The following IGFBP7 variants were observed in gnomAD, a reference collection of about 807,000 sequenced individuals.
IGFBP7 encodes insulin like growth factor binding protein 7, also known as insulin-like growth factor-binding protein 7.
In IGFBP7, 31 loss-of-function variants were observed where a neutral mutation model predicts 29.4. The observed-to-expected ratio is 1.05, with a 90% CI of 0.79 to 1.42. IGFBP7 has a LOEUF of 1.42. IGFBP7 is among the 40% of genes most tolerant of loss of function. The pLI, the probability that IGFBP7 is intolerant of heterozygous loss-of-function variation, is 0.00. For missense variants in IGFBP7, 393 were observed against 395.5 expected (o/e 0.99, Z 0.05); for synonymous variants, 172 against 174.9 (o/e 0.98, Z 0.13).
intron 1 of IGFBP7, among the ~76,000 whole-genome samples, chr4:57,087,677 G>C (rs940672516): frequency 4.6e-5 from 7 of 152,238 alleles, no homozygotes; most frequent in Non-Finnish European, 7.3e-5. Context: ...TAAAGTCAGA[G>C]GGAATACAAT....
At chr4:57,033,139 G>A in intron 3 of IGFBP7, 56 bp downstream of exon 3, 1 of 1,230,458 alleles carries the variant, frequency 8.1e-7, no homozygotes, top group Admixed American at 1.7e-5. Flanking sequence ...TGCCAGGTCT[G>A]CTTATGTCTA....
Position 57,040,867 on chromosome 4 carries a change from C to T in IGFBP7, c.542G>A (p.Cys181Tyr), listed in dbSNP as rs780782395. 1 of 1,614,200 alleles carries T rather than the reference C, an allele frequency of 6.2e-7. No individual in the cohort carries two copies. Among genetic ancestry groups the T allele is most frequent in the Non-Finnish European group, 8.5e-7 (1 of 1,180,020 alleles). The stretch of plus-strand genomic sequence containing the variant: ...AGGTGTCGGGATTCCGATGACCTCA[C>T]AGCTCAAGTACACCTGGGCACCAGT... The part of the protein sequence containing the change: ...NVTGAQVYLS[C>Y]EVIGIPTPVL... Residue 181 changes from cysteine (C) to tyrosine (Y), a missense_variant, in exon 2 of 5, where the codon TGT becomes TAT. By Grantham distance (194) the Cys-to-Tyr change is radical (BLOSUM62 -2). Coordinates refer to ENST00000295666, the MANE Select transcript of IGFBP7 (RefSeq NM_001553.3).
At chr4:57,059,249 A>G (rs1398443084) in intron 1 of IGFBP7, among the ~76,000 whole-genome samples, 1 of 152,216 alleles carries the variant, frequency 6.6e-6, no homozygotes, top group Non-Finnish European at 1.5e-5. Context: ...TGCTGGATAT[A>G]TACCCAGAGG....
At chr4:57,103,064 T>A (rs1022515000) in intron 1 of IGFBP7, among the ~76,000 whole-genome samples, 4 of 152,102 alleles carry the variant, frequency 2.6e-5, no homozygotes, top group African/African-American at 9.7e-5. Flanking sequence ...CCACAAGGGC[T>A]TTTCACTCCC....
At chr4:57,073,030 C>T in intron 1 of IGFBP7, 1 of 1,196,970 alleles carries the variant, frequency 8.4e-7, no homozygotes, top group East Asian at 2.4e-5. Flanking sequence ...ACATTGATAG[C>T]TCGTTGAACA....
At chr4:57,081,173 C>T (rs1309809828) in intron 1 of IGFBP7, among the ~76,000 whole-genome samples, 2 of 152,034 alleles carry the variant, frequency 1.3e-5, no homozygotes, top group African/African-American at 2.4e-5. Flanking sequence ...CAGGGCAGGG[C>T]CCAGGGAAAG....
chr4:57,099,649 G>A (rs1213480506), intron 1 of IGFBP7, among the ~76,000 whole-genome samples: 2 of 152,166 alleles, frequency 1.3e-5, no homozygotes, highest in East Asian at 3.9e-4. Context: ...GGTCTTTCTT[G>A]GACTAATATT....
chr4:57,040,977 CT>C (rs758702709), intron 1 of IGFBP7, 44 bp from the exon 2 acceptor site: 1 of 1,230,610 alleles, frequency 8.1e-7, no homozygotes. Context: ...TTAAACAGTC[CT>C]TCACATGAGT....
intron 1 of IGFBP7, among the ~76,000 whole-genome samples, chr4:57,092,316 T>C (rs1038451545): frequency 1.3e-5 from 2 of 152,220 alleles, no homozygotes; most frequent in African/African-American, 2.4e-5. Context: ...AAAACTATTA[T>C]AGTACACATA....
intron 2 of IGFBP7, among the ~76,000 whole-genome samples, chr4:57,037,025 A>C (rs1724098312): frequency 6.6e-6 from 1 of 152,202 alleles, no homozygotes; most frequent in African/African-American, 2.4e-5. Context: ...CATGGACCAA[A>C]CTATCGTATA....
At chr4:57,033,835 T>A (rs774790066) in intron 2 of IGFBP7, among the ~76,000 whole-genome samples, 23 of 151,976 alleles carry the variant, frequency 1.5e-4, no homozygotes, top group Non-Finnish European at 5.9e-5. Context: ...AAAAAACACC[T>A]ATCAAAGGAG....
At position 57,110,191 on chromosome 4, in the gene IGFBP7, CG is replaced by C. The variant is rs2109813120; in HGVS notation, c.160del (p.Arg54AlafsTer35). On this transcript the variant is annotated frameshift_variant, in exon 1 of 5. Transcript: ENST00000295666. LOFTEE classifies it high-confidence loss of function. ...CATAGGGCAGCAGCCGCACGCGTCGCGGGTCTCGCCCAGCAGGCAGCCCAGC... is the reference window on the plus strand; with the variant it reads ...CATAGGGCAGCAGCCGCACGCGTCGCGGTCTCGCCCAGCAGGCAGCCCAGC... ...PPLGCLLGETRDACGCCPMCA... is the reference protein window; with the variant it reads ...PPLGCLLGETXDACGCCPMCA... 7.2e-7 allele frequency: 1 copy of C among 1,386,576 alleles called. No individual in the cohort carries two copies. The highest frequency in any genetic ancestry group is 9.3e-7 in the Non-Finnish European group (1 of 1,079,610). 85.9% of individuals were successfully genotyped at this position (1,386,576 alleles called of 1,614,324 possible). A position where few individuals can be genotyped will look rare whatever the true frequency, so the allele number is the denominator to read the frequency against.
chr4:57,110,036 C>A lies in IGFBP7; in HGVS notation c.316G>T (p.Gly106Cys). 3.2e-6 allele frequency: 5 copies of A among 1,558,148 alleles called. No homozygotes were observed. Among genetic ancestry groups the A allele is most frequent in the Non-Finnish European group, 2.6e-6 (3 of 1,157,994 alleles). ...TTGCACACGCACACGCCGCTTACAC[C>A]CGGACCGCCGGCTGCTGCCCCGGCT... ...GKAGAAAGGP[G>C]VSGVCVCKSR... Residue 106 changes from glycine to cysteine, a missense_variant, in exon 1 of 5, where the codon GGT becomes TGT. By Grantham distance (159) the Gly-to-Cys change is radical. Transcript: ENST00000295666.
At chr4:57,083,528 A>AGTTT (rs1725423326) in intron 1 of IGFBP7, among the ~76,000 whole-genome samples, 1 of 152,142 alleles carries the variant, frequency 6.6e-6, no homozygotes, top group South Asian at 2.1e-4. Flanking sequence ...TGTTTACTAC[A>AGTTT]GATATTTAGT....
At chr4:57,074,902 A>C (rs182703902) in intron 1 of IGFBP7, among the ~76,000 whole-genome samples, 21 of 152,352 alleles carry the variant, frequency 1.4e-4, no homozygotes, top group African/African-American at 5.0e-4. Context: ...GTGGAGTTGC[A>C]TTTTGTATGA....
intron 1 of IGFBP7, among the ~76,000 whole-genome samples, chr4:57,067,262 A>T (rs768179855): frequency 1.3e-5 from 2 of 152,156 alleles, no homozygotes; most frequent in Non-Finnish European, 2.9e-5. Context: ...CCTCCCAGGG[A>T]CCCCAAAACG....
At chr4:57,039,931 CTT>C (rs66596505) in intron 2 of IGFBP7, among the ~76,000 whole-genome samples, 20 of 151,458 alleles carry the variant, frequency 1.3e-4, no homozygotes, top group Non-Finnish European at 2.4e-4. Context: ...CAGCCTCACA[CTT>C]TTTTTTTTCT....
chr4:57,040,779 G>C, intron 2 of IGFBP7, 45 bp downstream of exon 2: 1 of 1,307,958 alleles, frequency 7.6e-7, no homozygotes, highest in Non-Finnish European at 1.1e-6. Context: ...CAGTGCAAGA[G>C]AAGCTTGTCA....
chr4:57,093,677 A>AT (rs1445280419), intron 1 of IGFBP7, among the ~76,000 whole-genome samples: 1 of 151,874 alleles, frequency 6.6e-6, no homozygotes, highest in Non-Finnish European at 1.5e-5. Context: ...TTTACTGCAT[A>AT]TTTTTTCCTT....
Sources: gnomAD v4.1 joint callset for allele counts (sites outside exome capture counted in the v4.1 genomes callset) on GRCh38, gnomAD v4.1.1 for gene constraint, MANE v1.5 for transcripts, NCBI Gene and HGNC (gene_info 2026-07-23, HGNC 2026-07-21) for gene names.